UBE2R2: variants seen among roughly 807,000 people sequenced by gnomAD.
The protein encoded by UBE2R2 is ubiquitin-conjugating enzyme E2 R2.
UBE2R2 carries 1 observed loss-of-function variant against 27.8 expected under a neutral mutation model. The ratio of observed to expected loss-of-function variants is 0.04; its 90% CI spans 0.01 to 0.17. The LOEUF (loss-of-function observed/expected upper bound fraction) is 0.17. Among genes scored for constraint, UBE2R2 ranks in the 10% least tolerant of loss-of-function variants. The pLI is 1.00. For missense variants in UBE2R2, 100 were observed against 291.0 expected (o/e 0.34, Z 4.78); for synonymous variants, 106 against 113.3 (o/e 0.94, Z 0.41).
intron 1 of UBE2R2, among the ~76,000 whole-genome samples, chr9:33,857,582 C>G (rs1414621065): frequency 6.6e-6 from 1 of 152,132 alleles, no homozygotes; most frequent in Non-Finnish European, 1.5e-5. Context: ...TTCCAAAGTG[C>G]TGGGATTACA....
chr9:33,886,989 A>G (rs757977274), intron 2 of UBE2R2, 22 bp downstream of exon 2: 1 of 1,568,352 alleles, frequency 6.4e-7, no homozygotes, highest in East Asian at 2.3e-5. Context: ...TCCATCATAA[A>G]TTTCTCTGAA....
intron 1 of UBE2R2, among the ~76,000 whole-genome samples, chr9:33,861,663 T>A (rs906015938): frequency 6.6e-6 from 1 of 152,104 alleles, no homozygotes. Context: ...GACAGTCTTC[T>A]GCAATTTTAA....
chr9:33,875,832 A>T (rs1344466636), intron 1 of UBE2R2, among the ~76,000 whole-genome samples: 1 of 152,216 alleles, frequency 6.6e-6, no homozygotes, highest in Non-Finnish European at 1.5e-5. Context: ...AGGGCTACTG[A>T]TTCTAGTACC....
chr9:33,893,361 T>C (rs1384663789), intron 2 of UBE2R2, among the ~76,000 whole-genome samples: 1 of 152,228 alleles, frequency 6.6e-6, no homozygotes, highest in Non-Finnish European at 1.5e-5. Flanking sequence ...CACAATATTT[T>C]GGAGATTCAT....
At chr9:33,846,450 A>G (rs922076440) in intron 1 of UBE2R2, among the ~76,000 whole-genome samples, 6 of 152,156 alleles carry the variant, frequency 3.9e-5, no homozygotes, top group African/African-American at 1.2e-4. Context: ...TTTGTCATCT[A>G]ATTTGACAAA....
intron 1 of UBE2R2, among the ~76,000 whole-genome samples, chr9:33,876,097 C>T (rs1488673026): frequency 6.6e-6 from 1 of 152,122 alleles, no homozygotes; most frequent in African/African-American, 2.4e-5. Flanking sequence ...CATGGTGACT[C>T]ACACCTGTAA....
chr9:33,902,426 A>G (rs1822263984), intron 3 of UBE2R2, among the ~76,000 whole-genome samples: 1 of 152,188 alleles, frequency 6.6e-6, no homozygotes, highest in Non-Finnish European at 1.5e-5. Flanking sequence ...AATGCATGTA[A>G]ACCTACTAGA....
chr9:33,864,913 T>G (rs1432109838), intron 1 of UBE2R2, among the ~76,000 whole-genome samples: 2 of 151,730 alleles, frequency 1.3e-5, no homozygotes, highest in African/African-American at 2.4e-5. Context: ...TTAGTAGAGA[T>G]AGGGTTTCGC....
intron 1 of UBE2R2, among the ~76,000 whole-genome samples, chr9:33,834,443 C>T (rs1396994784): frequency 6.6e-6 from 1 of 151,900 alleles, no homozygotes; most frequent in East Asian, 1.9e-4. Flanking sequence ...CACTCCTGAC[C>T]TTAGGTGATC....
Position 33,917,316 on chromosome 9 carries a change from C to A in UBE2R2, c.*79C>A. On this transcript the variant is annotated 3_prime_UTR_variant, in exon 5 of 5. Transcript: ENST00000263228. ...GAGCAAGTGGGGACCTGGCCATGGC[C>A]CCTCAGCAAAAACCTATTCACAGCG... 6.3e-7 allele frequency: 1 copy of A among 1,575,828 alleles called. No individual in the cohort carries two copies. Among genetic ancestry groups the A allele is most frequent in the South Asian group, 1.2e-5 (1 of 85,866 alleles).
Position 33,869,423 on chromosome 9 carries a change from TTTTATTTATTTA to T in UBE2R2, c.178-17430_178-17419del, listed in dbSNP as rs78245446. 6.9e-3 allele frequency among the ~76,000 whole-genome samples: 1,005 copies of T among 146,630 alleles called. 9 individuals carry two copies. Among genetic ancestry groups the T allele is most frequent in the African/African-American group, 0.024 (931 of 39,530 alleles). On this transcript the variant is annotated intron_variant, in intron 1 of 4. Transcript: ENST00000263228. ...GTTTTACATAGTTACATATACAATG[TTTTATTTATTTA>T]TTTATTTATTTATTTATTTATTTAT...
At chr9:33,881,887 C>T (rs908518280) in intron 1 of UBE2R2, among the ~76,000 whole-genome samples, 8 of 152,046 alleles carry the variant, frequency 5.3e-5, no homozygotes, top group African/African-American at 1.9e-4. Flanking sequence ...TCATTAAATC[C>T]AGCCCACACT....
Position 33,917,683 on chromosome 9 carries a change from AAAC to A in UBE2R2, c.*447_*449del, listed in dbSNP as rs1822683596. 1 of 244,380 alleles carries A rather than the reference AAAC, an allele frequency of 4.1e-6. No individual in the cohort carries two copies. The highest frequency in any genetic ancestry group is 5.5e-5 in the Admixed American group (1 of 18,088). The allele number at this position is 244,380 out of a possible 1,614,324, so 15.1% of individuals were successfully genotyped here. ...CTGGGTAGCAAAAGAAAATGGAAAA[AAAC>A]CCACAAAACAAACTTTAAAAAAAAA... On this transcript the variant is annotated 3_prime_UTR_variant, in exon 5 of 5. Coordinates refer to ENST00000263228, the MANE Select transcript of UBE2R2 (RefSeq NM_017811.4).
At chr9:33,851,836 A>C (rs966831257) in intron 1 of UBE2R2, among the ~76,000 whole-genome samples, 1 of 152,190 alleles carries the variant, frequency 6.6e-6, no homozygotes, top group African/African-American at 2.4e-5. Flanking sequence ...AATGGTATAC[A>C]TTCACATAAA....
At chr9:33,905,261 CTCAGAAGTGGGGTAGGATATTTTTCTG>C (rs1427813287) in intron 3 of UBE2R2, among the ~76,000 whole-genome samples, 1 of 152,136 alleles carries the variant, frequency 6.6e-6, no homozygotes, top group Admixed American at 6.5e-5. Flanking sequence ...AAGAGTCTGT[CTCAGAAGTGGGGTAGGATATTTTTCTG>C]TCTAGTCTTA....
intron 1 of UBE2R2, among the ~76,000 whole-genome samples, chr9:33,886,653 T>TA (rs11404304): frequency 0.1 from 12,265 of 118,502 alleles, 736 homozygotes; most frequent in African/African-American, 0.13. Flanking sequence ...GACTCCGTCT[T>TA]AAAAAAAAAA....
At chr9:33,833,588 C>T (rs1820546206) in intron 1 of UBE2R2, among the ~76,000 whole-genome samples, 1 of 152,208 alleles carries the variant, frequency 6.6e-6, no homozygotes, top group Admixed American at 6.5e-5. Context: ...ATTTAAACTC[C>T]ATCTGTCACT....
chr9:33,898,611 G>C (rs1053699527), intron 2 of UBE2R2, among the ~76,000 whole-genome samples: 2 of 152,014 alleles, frequency 1.3e-5, no homozygotes, highest in Admixed American at 1.3e-4. Flanking sequence ...TAAATCTTAA[G>C]TCGTGTGTGG....
rs1196943872 is a variant in UBE2R2 at position 33,860,108 on chromosome 9, T to C, written c.178-26773T>C. Reference sequence around the variant, plus strand: ...AGGTGTGAGCCACCTTGCCTGCCCTTTTTTTTTTTTTAAAAAAATAGCATT... The same window carrying C: ...AGGTGTGAGCCACCTTGCCTGCCCTCTTTTTTTTTTTAAAAAAATAGCATT... On this transcript the variant is annotated intron_variant, in intron 1 of 4. Coordinates refer to ENST00000263228, the MANE Select transcript of UBE2R2 (RefSeq NM_017811.4). Among the ~76,000 whole-genome samples the C allele has an allele frequency of 0.014, 12 of 860 alleles. No homozygotes were observed. In the Admixed American group the frequency reaches 0.23, roughly 16 times the overall value. The allele number at this position is 860 out of a possible 152,430, so 0.6% of individuals were successfully genotyped here.
Sources: allele counts gnomAD v4.1 joint callset (sites outside exome capture counted in the v4.1 genomes callset), GRCh38; gene constraint gnomAD v4.1.1; transcripts MANE v1.5; gene names NCBI Gene and HGNC (gene_info 2026-07-23, HGNC 2026-07-21).